PFKM: variants seen among roughly 807,000 people sequenced by gnomAD.
PFKM encodes the protein phosphofructokinase, muscle, also known as ATP-dependent 6-phosphofructokinase, muscle type.
In PFKM, 58 loss-of-function variants were observed where a neutral mutation model predicts 95.5. The observed-to-expected ratio is 0.61, with a 90% CI of 0.49 to 0.76. PFKM has a LOEUF of 0.76. Among genes scored for constraint, PFKM ranks in the 30% least tolerant of loss-of-function variants. The pLI, the probability that PFKM is intolerant of heterozygous loss-of-function variation, is 0.00. For missense variants in PFKM, 678 were observed against 1,005.4 expected (o/e 0.67, Z 4.40); for synonymous variants, 336 against 357.2 (o/e 0.94, Z 0.67).
At chr12:48,127,635 T>A (rs1948994833) in intron 2 of PFKM, among the ~76,000 whole-genome samples, 1 of 152,242 alleles carries the variant, frequency 6.6e-6, no homozygotes, top group Non-Finnish European at 1.5e-5. Flanking sequence ...ACATTTCTTT[T>A]CTAGGATGCC....
chr12:48,117,177 T>G (rs201589237), upstream of PFKM, among the ~76,000 whole-genome samples: 1 of 144,566 alleles, frequency 6.9e-6, no homozygotes, highest in Non-Finnish European at 1.5e-5. Context: ...TTGATAATTT[T>G]TTATTGATGG....
Position 48,134,238 on chromosome 12 carries a change from G to A in PFKM, c.600G>A (p.Gln200=), listed in dbSNP as rs773976180. ...ATATGTCTATCTCTTGCAGCCACCA[G>A]AGGACATTTGTGTTAGAAGTAATGG... is the stretch of plus-strand genomic sequence containing the variant. The part of the protein sequence containing the change: ...DAITTTAQSH[Q]RTFVLEVMGR... The change falls in exon 7 of 23, where the codon CAG becomes CAA. Residue 200 remains glutamine, a synonymous_variant. Coordinates refer to ENST00000359794, the MANE Select transcript of PFKM (RefSeq NM_000289.6). 1 of 1,614,030 alleles carries A rather than the reference G, an allele frequency of 6.2e-7. No homozygotes were observed. Among genetic ancestry groups the A allele is most frequent in the East Asian group, 2.2e-5 (1 of 44,882 alleles).
intron 7 of PFKM, 123 bp downstream of exon 7, chr12:48,134,399 T>C: frequency 1.2e-6 from 1 of 861,518 alleles, no homozygotes; most frequent in Non-Finnish European, 2.0e-6. Flanking sequence ...CTCCTTGTGG[T>C]GTGGTTCCCT....
In PFKM at chr12:48,145,789, A is replaced by G. The variant is rs1950999788; in HGVS notation, c.*81A>G. 6.7e-7 allele frequency: 1 copy of G among 1,489,668 alleles called. No individual in the cohort carries two copies. Among genetic ancestry groups the G allele is most frequent in the Non-Finnish European group, 9.4e-7 (1 of 1,068,388 alleles). The allele number at this position is 1,489,668 out of a possible 1,614,324, so 92.3% of individuals were successfully genotyped here. A position where few individuals can be genotyped will look rare whatever the true frequency, so the allele number is the denominator to read the frequency against. ...TAAGTCCACATCTTCTCAGTGTTTTAGCTGTTTTTTTCATTAGGTTTCCTT... is the reference window on the plus strand; with the variant it reads ...TAAGTCCACATCTTCTCAGTGTTTTGGCTGTTTTTTTCATTAGGTTTCCTT... On this transcript the variant is annotated 3_prime_UTR_variant, in exon 23 of 23. Coordinates refer to ENST00000359794, the MANE Select transcript of PFKM (RefSeq NM_000289.6). The surrounding 1 kb of genome is among the most constrained non-coding windows in gnomAD (Gnocchi z 4.3).
At chr12:48,119,122 C>T, upstream of PFKM, 1 of 164,356 alleles carries the variant, frequency 6.1e-6, no homozygotes, top group Non-Finnish European at 1.3e-5. Flanking sequence ...TGATGGCTCT[C>T]GAGATAGATA....
chr12:48,105,781 G>GGAGA (rs369237878), upstream of PFKM: 21 of 578,156 alleles, frequency 3.6e-5, no homozygotes, highest in Middle Eastern at 2.3e-3. Flanking sequence ...CCGCGGCCCA[G>GGAGA]GAGAGAGAGA....
Position 48,131,360 on chromosome 12 carries a change from C to T in PFKM, c.204C>T (p.Ala68=), listed in dbSNP as rs2135857231. The change falls in exon 4 of 23, where the codon GCC becomes GCT. Residue 68 remains alanine, a synonymous_variant. Transcript: ENST00000359794. Reference sequence around the variant, plus strand: ...ATGGTGGAGATCACATCAAGGAAGCCACCTGGGAGAGCGTTTCGATGATGC... The same window carrying T: ...ATGGTGGAGATCACATCAAGGAAGCTACCTGGGAGAGCGTTTCGATGATGC... The part of the protein sequence containing the change: ...LVDGGDHIKE[A]TWESVSMMLQ... 6.2e-7 allele frequency: 1 copy of T among 1,613,590 alleles called. No individual in the cohort carries two copies. Among genetic ancestry groups the T allele is most frequent in the Non-Finnish European group, 8.5e-7 (1 of 1,179,560 alleles).
chr12:48,142,243 C>A lies in PFKM; in HGVS notation c.1653+177C>A, dbSNP rs192993896. ...ATCCCAGCACTTTGGGAGGCCAAGG[C>A]AGGCAGATCACTTGGGGTCAGGAGT... On this transcript the variant is annotated intron_variant, in intron 17 of 22. Coordinates refer to ENST00000359794, the MANE Select transcript of PFKM (RefSeq NM_000289.6). 1.6e-4 allele frequency: 113 copies of A among 690,066 alleles called. No homozygotes were observed. In the East Asian group the frequency reaches 3.0e-3, roughly 18 times the overall value. The allele number at this position is 690,066 out of a possible 1,614,324, so 42.7% of individuals were successfully genotyped here.
At chr12:48,144,970 A>C in intron 20 of PFKM, 61 bp from the exon 21 acceptor site, 1 of 1,159,478 alleles carries the variant, frequency 8.6e-7, no homozygotes, top group Non-Finnish European at 1.3e-6. Context: ...CTGTGTGTCT[A>C]GATATCTCTG....
At position 48,145,468 on chromosome 12, in the gene PFKM, C is replaced by T. The variant is rs2136053500; in HGVS notation, c.2199-96C>T. On this transcript the variant is annotated intron_variant, in intron 22 of 22. Coordinates refer to ENST00000359794, the MANE Select transcript of PFKM (RefSeq NM_000289.6). The surrounding 1 kb of genome is among the most constrained non-coding windows in gnomAD (Gnocchi z 4.3). ...CAGATGTGATGCACATGTCCTAAATCTAACCTCTTCTGTCTAACTTCTTCC... is the reference window on the plus strand; with the variant it reads ...CAGATGTGATGCACATGTCCTAAATTTAACCTCTTCTGTCTAACTTCTTCC... 1 of 1,469,094 alleles carries T rather than the reference C, an allele frequency of 6.8e-7. No individual in the cohort carries two copies. 91.0% of individuals were successfully genotyped at this position (1,469,094 alleles called of 1,614,324 possible). A position where few individuals can be genotyped will look rare whatever the true frequency, so the allele number is the denominator to read the frequency against.
At chr12:48,139,640 G>A in intron 12 of PFKM, 1 of 641,756 alleles carries the variant, frequency 1.6e-6, no homozygotes, top group South Asian at 1.8e-5. Context: ...GCTGAGCATA[G>A]TGCCTGAAGA....
At position 48,142,011 on chromosome 12, in the gene PFKM, T is replaced by C; in HGVS notation, c.1598T>C (p.Val533Ala). The change falls in exon 17 of 23, where the codon GTC becomes GCC. Residue 533 changes from valine (V) to alanine (A), a missense_variant. Transcript: ENST00000359794. ...VVIPATVSNN[V>A]PGSDFSVGAD... Reference sequence around the variant, plus strand: ...ATTCCTGCTACAGTCTCCAACAATGTCCCTGGCTCAGACTTCAGCGTTGGG... The same window carrying C: ...ATTCCTGCTACAGTCTCCAACAATGCCCCTGGCTCAGACTTCAGCGTTGGG... 6.2e-7 allele frequency: 1 copy of C among 1,614,096 alleles called. No individual in the cohort carries two copies. Among genetic ancestry groups the C allele is most frequent in the South Asian group, 1.1e-5 (1 of 91,084 alleles).
intron 2 of PFKM, chr12:48,107,577 T>G: frequency 1.5e-6 from 1 of 678,202 alleles, no homozygotes; most frequent in Non-Finnish European, 2.6e-6. Flanking sequence ...TGACCTTGTT[T>G]ATCACATTCT....
chr12:48,137,457 A>C, intron 10 of PFKM: 1 of 535,052 alleles, frequency 1.9e-6, no homozygotes. Flanking sequence ...ATTAAGCCCC[A>C]GTAATCCTGT....
chr12:48,138,712 G>A (rs1950319531), intron 11 of PFKM, among the ~76,000 whole-genome samples: 1 of 152,202 alleles, frequency 6.6e-6, no homozygotes, highest in South Asian at 2.1e-4. Flanking sequence ...TGGAATGGAA[G>A]ATACTATTTA....
intron 3 of PFKM, among the ~76,000 whole-genome samples, chr12:48,112,185 G>C (rs1054250029): frequency 6.6e-6 from 1 of 151,780 alleles, no homozygotes; most frequent in Non-Finnish European, 1.5e-5. Flanking sequence ...TTCTAGGGCT[G>C]TCTTTAAGGA....
At chr12:48,134,108 G>GC (rs1949807400) in intron 6 of PFKM, 124 bp from the exon 7 acceptor site, 8 of 821,958 alleles carry the variant, frequency 9.7e-6, no homozygotes, top group Non-Finnish European at 1.8e-5. Flanking sequence ...GTCTCAGGAA[G>GC]CCTGCTAGAA....
At chr12:48,128,638 AAAG>A (rs148167248) in intron 2 of PFKM, among the ~76,000 whole-genome samples, 1,693 of 152,316 alleles carry the variant, frequency 0.011, 20 homozygotes, top group Non-Finnish European at 0.018. Context: ...CCTGCAAAAA[AAAG>A]AAACATTTTG....
chr12:48,107,972 C>T, intron 2 of PFKM: 1 of 1,222,472 alleles, frequency 8.2e-7, no homozygotes, highest in Admixed American at 2.1e-5. Flanking sequence ...GGAAAGAAAG[C>T]CCTGGACAGC....
Sources: gnomAD v4.1 joint callset for allele counts (sites outside exome capture counted in the v4.1 genomes callset) on GRCh38, gnomAD v4.1.1 for gene constraint, Gnocchi (gnomAD v3.1) non-coding constraint, MANE v1.5 for transcripts, NCBI Gene and HGNC (gene_info 2026-07-23, HGNC 2026-07-21) for gene names.